The following GPC6 variants were observed in gnomAD, a reference collection of about 807,000 sequenced individuals.
GPC6 encodes the protein glypican 6, also known as glypican-6.
Under a neutral mutation model 55.2 loss-of-function variants are expected in GPC6, and 14 were observed. That is an observed-to-expected ratio of 0.25 (90% CI 0.17 to 0.40). The LOEUF (loss-of-function observed/expected upper bound fraction) is 0.40, where lower values mean the gene tolerates loss of function less well. Among genes scored for constraint, GPC6 ranks in the 10% least tolerant of loss-of-function variants. The probability of loss-of-function intolerance (pLI) is 1.00; values close to 1 mark genes in which losing one functional copy is unlikely to be tolerated. For missense variants in GPC6, 641 were observed against 708.5 expected, an observed-to-expected ratio of 0.90 and a Z score of 1.08; for synonymous variants, 278 against 259.6, an observed-to-expected ratio of 1.07 and a Z score of -0.68.
Position 93,227,762 on chromosome 13 carries a change from G to C in GPC6, c.160+146G>C, listed in dbSNP as rs1281788466. 2 of 654,356 alleles carry C rather than the reference G, an allele frequency of 3.1e-6. No homozygotes were observed. Among genetic ancestry groups the C allele is most frequent in the African/African-American group, 1.8e-5 (1 of 54,856 alleles). The allele number at this position is 654,356 out of a possible 1,614,324, so 40.5% of individuals were successfully genotyped here. A position where few individuals can be genotyped will look rare whatever the true frequency, so the allele number is the denominator to read the frequency against. On this transcript the variant is annotated intron_variant, in intron 1 of 8. Transcript: ENST00000377047. This position sits in a 1 kb window ranked among gnomAD's most constrained non-coding sequence, Gnocchi z 4.3. ...TATGGGACTCCGCGTCTCCGTGTTGGGCGGCGGATGCTCCTGCGGCTTCTT... is the reference window on the plus strand; with the variant it reads ...TATGGGACTCCGCGTCTCCGTGTTGCGCGGCGGATGCTCCTGCGGCTTCTT...
chr13:93,993,407 C>T (rs1881400706), intron 3 of GPC6, among the ~76,000 whole-genome samples: 1 of 151,540 alleles, frequency 6.6e-6, no homozygotes, highest in African/African-American at 2.4e-5. Flanking sequence ...GATTCTCCTG[C>T]CTCAGCCTCC....
intron 5 of GPC6, among the ~76,000 whole-genome samples, chr13:94,287,612 T>A (rs1238494977): frequency 1.3e-5 from 2 of 152,042 alleles, no homozygotes; most frequent in African/African-American, 4.8e-5. Context: ...TTCATAAGCC[T>A]TTTTGGGGGT....
chr13:94,060,336 C>T (rs1465316411), intron 4 of GPC6, among the ~76,000 whole-genome samples: 1 of 152,112 alleles, frequency 6.6e-6, no homozygotes, highest in African/African-American at 2.4e-5. Context: ...AATATAAGCT[C>T]CATGAGTGGG....
chr13:94,320,445 G>GT lies in GPC6; in HGVS notation c.1152+14330dup, dbSNP rs926446335. Among the ~76,000 whole-genome samples, 37 of 151,766 alleles carry GT rather than the reference G, an allele frequency of 2.4e-4. No homozygotes were observed. In the South Asian group the frequency reaches 3.8e-3, roughly 15 times the overall value. The stretch of plus-strand genomic sequence containing the variant: ...CATGTTTTCTTGGTTTCTGTTGTGG[G>GT]TTTTTTTTGTGTGAGTTTATATTCC... On this transcript the variant is annotated intron_variant, in intron 6 of 8. Coordinates refer to ENST00000377047, the MANE Select transcript of GPC6 (RefSeq NM_005708.5).
At chr13:93,249,942 A>T (rs1261360341) in intron 1 of GPC6, among the ~76,000 whole-genome samples, 1 of 152,060 alleles carries the variant, frequency 6.6e-6, no homozygotes, top group Non-Finnish European at 1.5e-5. Context: ...AGGAGCTCCC[A>T]CTTGATGGGT....
chr13:94,135,944 G>T (rs961351870), intron 4 of GPC6, among the ~76,000 whole-genome samples: 2 of 152,290 alleles, frequency 1.3e-5, no homozygotes, highest in Non-Finnish European at 2.9e-5. Context: ...AAGTTAAGCA[G>T]CTTCCAGGCA....
chr13:93,989,025 C>A (rs1048330150), intron 3 of GPC6, among the ~76,000 whole-genome samples: 1 of 152,028 alleles, frequency 6.6e-6, no homozygotes, highest in Non-Finnish European at 1.5e-5. Flanking sequence ...AAGTACATAC[C>A]ATTATTTTCC....
intron 3 of GPC6, among the ~76,000 whole-genome samples, chr13:93,881,615 C>T (rs909466122): frequency 1.3e-5 from 2 of 152,028 alleles, no homozygotes; most frequent in East Asian, 1.9e-4. Flanking sequence ...TAGGCCCTCT[C>T]AGTGGACAGA....
chr13:93,563,413 G>A (rs1875913525), intron 2 of GPC6, among the ~76,000 whole-genome samples: 2 of 152,028 alleles, frequency 1.3e-5, no homozygotes, highest in South Asian at 2.1e-4. Context: ...CAGCACTGGA[G>A]ATGCAGACAA....
intron 6 of GPC6, among the ~76,000 whole-genome samples, chr13:94,363,552 T>C (rs1365229448): frequency 6.6e-6 from 1 of 152,204 alleles, no homozygotes; most frequent in Non-Finnish European, 1.5e-5. Context: ...CTCTCTAATG[T>C]TGAGCTAATA....
chr13:93,598,026 C>T (rs1594299450), intron 2 of GPC6, among the ~76,000 whole-genome samples: 1 of 152,192 alleles, frequency 6.6e-6, no homozygotes, highest in Non-Finnish European at 1.5e-5. Flanking sequence ...CACCTGTAGT[C>T]CCAGCTACTC....
At chr13:93,992,753 T>C (rs1254911036) in intron 3 of GPC6, among the ~76,000 whole-genome samples, 1 of 152,206 alleles carries the variant, frequency 6.6e-6, no homozygotes, top group Non-Finnish European at 1.5e-5. Flanking sequence ...CAGAATAGAC[T>C]GTCCTTAGCT....
Position 94,403,585 on chromosome 13 carries a change from A to C in GPC6, c.*368A>C. The C allele has an allele frequency of 3.6e-6, 1 of 279,784 alleles. No homozygotes were observed. The highest frequency in any genetic ancestry group is 6.9e-6 in the Non-Finnish European group (1 of 143,898). 17.3% of individuals were successfully genotyped at this position (279,784 alleles called of 1,614,324 possible). A position where few individuals can be genotyped will look rare whatever the true frequency, so the allele number is the denominator to read the frequency against. ...AAATAAAAAAGGAAGAAAGAAAATAATTTTCCTTGTAAAATCGGGCCAAAC... is the reference window on the plus strand; with the variant it reads ...AAATAAAAAAGGAAGAAAGAAAATACTTTTCCTTGTAAAATCGGGCCAAAC... On this transcript the variant is annotated 3_prime_UTR_variant, in exon 9 of 9. Coordinates refer to ENST00000377047, the MANE Select transcript of GPC6 (RefSeq NM_005708.5).
At chr13:93,632,617 G>GTATATATATA (rs201000882) in intron 2 of GPC6, among the ~76,000 whole-genome samples, 1 of 51,776 alleles carries the variant, frequency 1.9e-5, no homozygotes, top group African/African-American at 4.2e-5. Context: ...GTATATATAT[G>GTATATATATA]TATATATATA....
At chr13:93,613,987 C>T (rs1337483961) in intron 2 of GPC6, among the ~76,000 whole-genome samples, 2 of 152,162 alleles carry the variant, frequency 1.3e-5, no homozygotes, top group African/African-American at 4.8e-5. Context: ...TTGACTAGGT[C>T]ACACATCAAT....
intron 1 of GPC6, among the ~76,000 whole-genome samples, chr13:93,338,299 A>G (rs1880114684): frequency 1.3e-5 from 2 of 152,316 alleles, no homozygotes; most frequent in South Asian, 4.1e-4. Context: ...AGCTGTAATA[A>G]TAATTTATTC....
In GPC6 at chr13:93,958,664, C is replaced by T. The variant is rs768917202; in HGVS notation, c.712-69065C>T. ...GCTTTGTTCTTTTTGCTTGGGGTTGCTTTGGCTATTTGGGCTCTTTTTTGG... is the reference window on the plus strand; with the variant it reads ...GCTTTGTTCTTTTTGCTTGGGGTTGTTTTGGCTATTTGGGCTCTTTTTTGG... On this transcript the variant is annotated intron_variant, in intron 3 of 8. Transcript: ENST00000377047. Among the ~76,000 whole-genome samples, 114 of 151,940 alleles carry T rather than the reference C, an allele frequency of 7.5e-4. 12 individuals are homozygous for T. Among genetic ancestry groups the T allele is most frequent in the Non-Finnish European group, 5.9e-5 (4 of 67,964 alleles).
intron 1 of GPC6, among the ~76,000 whole-genome samples, chr13:93,439,614 A>T (rs1877701992): frequency 6.6e-6 from 1 of 151,930 alleles, no homozygotes; most frequent in Non-Finnish European, 1.5e-5. Context: ...GTGAGCCAAG[A>T]TTGCACCATT....
At chr13:93,524,911 G>A (rs776258872) in intron 1 of GPC6, among the ~76,000 whole-genome samples, 2 of 152,066 alleles carry the variant, frequency 1.3e-5, no homozygotes, top group Non-Finnish European at 1.5e-5. Context: ...TGCAGAGGGC[G>A]ATAATTCTGC....
Sources: gnomAD v4.1 joint callset for allele counts (sites outside exome capture counted in the v4.1 genomes callset) on GRCh38, gnomAD v4.1.1 for gene constraint, Gnocchi (gnomAD v3.1) non-coding constraint, MANE v1.5 for transcripts, NCBI Gene and HGNC (gene_info 2026-07-23, HGNC 2026-07-21) for gene names.